AATF: variants seen among roughly 807,000 people sequenced by gnomAD.
The protein encoded by AATF is protein AATF.
AATF carries 48 observed loss-of-function variants against 63.7 expected under a neutral mutation model. That is an observed-to-expected ratio of 0.75 (90% CI 0.60 to 0.96). The LOEUF (loss-of-function observed/expected upper bound fraction) is 0.96. Ranked by LOEUF, AATF falls within the 40% of genes least tolerant of loss-of-function variation. AATF has a pLI of 0.00. For synonymous variants in AATF, 258 were observed against 247.7 expected, an observed-to-expected ratio of 1.04 and a Z score of -0.39; for missense variants, 639 against 685.7, an observed-to-expected ratio of 0.93 and a Z score of 0.76.
intron 4 of AATF, among the ~76,000 whole-genome samples, chr17:36,985,711 T>A (rs2071163594): frequency 6.6e-6 from 1 of 151,564 alleles, no homozygotes; most frequent in Admixed American, 6.6e-5. Flanking sequence ...CCTCAGCTAA[T>A]TTTTTTGTAT....
intron 10 of AATF, among the ~76,000 whole-genome samples, chr17:37,023,069 G>A (rs1348467240): frequency 6.6e-6 from 1 of 151,958 alleles, no homozygotes; most frequent in Non-Finnish European, 1.5e-5. Flanking sequence ...AATTTTATGA[G>A]GACATAAATG....
Position 37,056,687 on chromosome 17 carries a change from G to A in AATF, c.*23G>A. On this transcript the variant is annotated 3_prime_UTR_variant, in exon 12 of 12. Coordinates refer to ENST00000619387, the MANE Select transcript of AATF (RefSeq NM_012138.4). ...TGACATCGCCCACCTCCGACACCCA[G>A]TGGGCGCCTTGGCTGGTGCGGCTGC... 1 of 1,613,948 alleles carries A rather than the reference G, an allele frequency of 6.2e-7. No individual in the cohort carries two copies. The highest frequency in any genetic ancestry group is 8.5e-7 in the Non-Finnish European group (1 of 1,179,874).
At chr17:37,027,544 A>G (rs998516523) in intron 10 of AATF, among the ~76,000 whole-genome samples, 18 of 152,300 alleles carry the variant, frequency 1.2e-4, no homozygotes, top group Admixed American at 7.2e-4. Context: ...TCTAATAAAA[A>G]TATTAATATG....
At chr17:36,976,896 C>G (rs1303684410) in intron 4 of AATF, among the ~76,000 whole-genome samples, 1 of 152,120 alleles carries the variant, frequency 6.6e-6, no homozygotes, top group Non-Finnish European at 1.5e-5. Flanking sequence ...TGTAATGTGC[C>G]TAGCAAAAGT....
chr17:37,012,883 AT>A (rs1427593307), intron 8 of AATF, among the ~76,000 whole-genome samples: 4 of 152,210 alleles, frequency 2.6e-5, no homozygotes, highest in African/African-American at 9.6e-5. Context: ...GAGCTACACT[AT>A]TAATTATAAA....
chr17:36,964,170 C>CTTTTTT (rs36064518), intron 4 of AATF, among the ~76,000 whole-genome samples: 1 of 101,386 alleles, frequency 9.9e-6, no homozygotes, highest in Non-Finnish European at 2.0e-5. Context: ...GGGTGTTTTG[C>CTTTTTT]TTTTTTTTTT....
At chr17:36,988,488 A>G (rs754092117) in intron 5 of AATF, 31 bp from the exon 6 acceptor site, 12 of 1,605,630 alleles carry the variant, frequency 7.5e-6, no homozygotes, top group African/African-American at 4.0e-5. Context: ...GTTTGTTTAC[A>G]CTGGACATAA....
At chr17:36,972,150 G>A (rs1029452864) in intron 4 of AATF, among the ~76,000 whole-genome samples, 8 of 152,250 alleles carry the variant, frequency 5.3e-5, no homozygotes, top group Non-Finnish European at 7.4e-5. Context: ...AGTACTTCTA[G>A]GGATAGAGGA....
chr17:37,019,209 A>G, intron 9 of AATF, 137 bp downstream of exon 9: 1 of 696,600 alleles, frequency 1.4e-6, no homozygotes, highest in South Asian at 1.8e-5. Flanking sequence ...CTAGAAAGAA[A>G]ATGTGACTAA....
chr17:36,992,614 ATTT>A (rs5820200), intron 8 of AATF, among the ~76,000 whole-genome samples: 15 of 138,172 alleles, frequency 1.1e-4, no homozygotes, highest in Admixed American at 2.2e-4. Flanking sequence ...CTTAGTCTGA[ATTT>A]TTTTTTTTTT....
At chr17:36,966,628 T>A (rs1442256887) in intron 4 of AATF, among the ~76,000 whole-genome samples, 1 of 152,230 alleles carries the variant, frequency 6.6e-6, no homozygotes, top group East Asian at 1.9e-4. Flanking sequence ...TCCTGAGTGT[T>A]CCTTTTCTGT....
intron 11 of AATF, 70 bp from the exon 12 acceptor site, chr17:37,056,531 C>T: frequency 6.6e-7 from 1 of 1,518,676 alleles, no homozygotes; most frequent in Non-Finnish European, 9.1e-7. Flanking sequence ...TATTTTCCAG[C>T]TTCTGCGTTC....
intron 11 of AATF, among the ~76,000 whole-genome samples, chr17:37,051,843 G>T (rs1035711071): frequency 2.0e-5 from 3 of 152,044 alleles, no homozygotes; most frequent in Non-Finnish European, 1.5e-5. Flanking sequence ...CTCACTAAGG[G>T]TTATAAAACC....
At chr17:37,050,072 G>C (rs1337869360) in intron 11 of AATF, among the ~76,000 whole-genome samples, 1 of 152,224 alleles carries the variant, frequency 6.6e-6, no homozygotes, top group Non-Finnish European at 1.5e-5. Context: ...GCTGAACCCG[G>C]AAAAGAACAG....
At chr17:37,051,728 A>G (rs1391264422) in intron 11 of AATF, among the ~76,000 whole-genome samples, 5 of 151,300 alleles carry the variant, frequency 3.3e-5, no homozygotes, top group African/African-American at 4.9e-5. Context: ...ACACACACAC[A>G]CGCACATTCT....
At chr17:37,001,455 G>GGAAGGAAGA (rs768803573) in intron 8 of AATF, among the ~76,000 whole-genome samples, 2 of 72,950 alleles carry the variant, frequency 2.7e-5, no homozygotes, top group Non-Finnish European at 5.1e-5. Context: ...AAGGAAGGAA[G>GGAAGGAAGA]AAAAAAAAAA....
intron 8 of AATF, among the ~76,000 whole-genome samples, chr17:37,016,476 G>T (rs553915048): frequency 1.1e-3 from 163 of 152,154 alleles, no homozygotes; most frequent in African/African-American, 3.7e-3. Flanking sequence ...AAGCCTTTCC[G>T]AATTGATTAT....
intron 4 of AATF, among the ~76,000 whole-genome samples, chr17:36,982,476 C>G (rs970866988): frequency 6.6e-6 from 1 of 152,028 alleles, no homozygotes; most frequent in Non-Finnish European, 1.5e-5. Flanking sequence ...ACCTCAGCTG[C>G]CCGAGCAGCT....
intron 4 of AATF, among the ~76,000 whole-genome samples, chr17:36,960,861 A>G (rs1438709543): frequency 1.3e-5 from 2 of 152,212 alleles, no homozygotes; most frequent in Non-Finnish European, 2.9e-5. Flanking sequence ...GCTGATGGCT[A>G]TCATTTTTTA....
Sources: allele counts gnomAD v4.1 joint callset (sites outside exome capture counted in the v4.1 genomes callset), GRCh38; gene constraint gnomAD v4.1.1; transcripts MANE v1.5; gene names NCBI Gene and HGNC (gene_info 2026-07-23, HGNC 2026-07-21).